Variants in RSU1 observed in about 807,000 individuals in gnomAD.
RSU1 encodes the protein rsu-1.
RSU1 carries 26 observed loss-of-function variants against 31.1 expected under a neutral mutation model. The ratio of observed to expected loss-of-function variants is 0.84; its 90% confidence interval spans 0.61 to 1.16. RSU1 has a LOEUF of 1.16. Among genes scored for constraint, RSU1 ranks in the 50% most tolerant of loss-of-function variants. RSU1 has a pLI of 0.00. For missense variants in RSU1, 320 were observed against 339.1 expected (o/e 0.94, Z 0.44); for synonymous variants, 164 against 136.3 (o/e 1.20, Z -1.41).
At chr10:16,598,829 T>C (rs1240019441) in intron 8 of RSU1, among the ~76,000 whole-genome samples, 1 of 152,202 alleles carries the variant, frequency 6.6e-6, no homozygotes, top group East Asian at 1.9e-4. Context: ...AATAGAGAAC[T>C]AACATAGTAG....
intron 8 of RSU1, among the ~76,000 whole-genome samples, chr10:16,624,085 C>T (rs1339388562): frequency 6.6e-6 from 1 of 152,052 alleles, no homozygotes; most frequent in Non-Finnish European, 1.5e-5. Context: ...GTTCTAGGTA[C>T]AATTTTATGA....
intron 8 of RSU1, among the ~76,000 whole-genome samples, chr10:16,639,217 C>A (rs907793809): frequency 1.3e-5 from 2 of 152,166 alleles, no homozygotes; most frequent in African/African-American, 4.8e-5. Flanking sequence ...CAAAATCACA[C>A]GTGACTCCGG....
intron 8 of RSU1, among the ~76,000 whole-genome samples, chr10:16,688,569 A>G (rs1407409794): frequency 1.3e-5 from 2 of 152,182 alleles, no homozygotes; most frequent in African/African-American, 4.8e-5. Flanking sequence ...AGATCACGCC[A>G]CTGCAGTCCA....
rs992372412 is a variant in RSU1, at chr10:16,614,589, T to G, written c.732-21093A>C. On this transcript the variant is annotated intron_variant, in intron 8 of 8. Transcript: ENST00000345264. ...CAAGATGTGATTATTACACATTGCA[T>G]GCCTGAGCCACAGTATCTCATATTC... Among the ~76,000 whole-genome samples the G allele has an allele frequency of 1.2e-4, 18 of 152,302 alleles. 1 individual carries two copies. The highest frequency in any genetic ancestry group is 1.2e-3 in the Admixed American group (18 of 15,304).
intron 7 of RSU1, among the ~76,000 whole-genome samples, chr10:16,721,158 A>G (rs1836253995): frequency 2.6e-5 from 4 of 152,196 alleles, no homozygotes; most frequent in Admixed American, 2.6e-4. Context: ...GATACTGAAG[A>G]AAGAGCTCAT....
intron 8 of RSU1, among the ~76,000 whole-genome samples, chr10:16,681,197 T>A (rs1324609897): frequency 6.6e-6 from 1 of 152,198 alleles, no homozygotes; most frequent in Non-Finnish European, 1.5e-5. Context: ...AAAAGCACCA[T>A]CTTAAATGAT....
At chr10:16,757,429 CT>C (rs1421599764) in intron 4 of RSU1, among the ~76,000 whole-genome samples, 1 of 152,010 alleles carries the variant, frequency 6.6e-6, no homozygotes, top group Non-Finnish European at 1.5e-5. Flanking sequence ...CGGGTTCCCC[CT>C]GTCAGGCAGA....
chr10:16,593,160 C>T lies in RSU1; in HGVS notation c.*234G>A, dbSNP rs1295665243. 1 of 654,840 alleles carries T rather than the reference C, an allele frequency of 1.5e-6. No homozygotes were observed. Among genetic ancestry groups the T allele is most frequent in the Non-Finnish European group, 2.2e-6 (1 of 444,486 alleles). The allele number at this position is 654,840 out of a possible 1,614,324, so 40.6% of individuals were successfully genotyped here. On this transcript the variant is annotated 3_prime_UTR_variant, in exon 9 of 9. Transcript: ENST00000345264. ...TTCGCAGTTGAATAAGAGCTTTGTT[C>T]CCTGCTTTTGGTAATGTTAAAGAAA...
intron 8 of RSU1, among the ~76,000 whole-genome samples, chr10:16,597,549 G>A (rs773517140): frequency 5.3e-5 from 8 of 152,160 alleles, no homozygotes; most frequent in African/African-American, 1.4e-4. Context: ...TAGAGATGTC[G>A]TTTGTCTTCC....
chr10:16,620,416 T>C lies in RSU1; in HGVS notation c.732-26920A>G, dbSNP rs1388076842. ...TCTTTCATTTACACATGAGATTTCTTTGGGAACTGACATTCAGTGGGGAGA... is the reference window on the plus strand; with the variant it reads ...TCTTTCATTTACACATGAGATTTCTCTGGGAACTGACATTCAGTGGGGAGA... On this transcript the variant is annotated intron_variant, in intron 8 of 8. Coordinates refer to ENST00000345264, the MANE Select transcript of RSU1 (RefSeq NM_012425.4). 3.9e-5 allele frequency among the ~76,000 whole-genome samples: 6 copies of C among 152,022 alleles called. No individual in the cohort carries two copies. In the East Asian group the frequency reaches 1.2e-3, roughly 29 times the overall value.
chr10:16,623,066 G>A (rs574128250), intron 8 of RSU1, among the ~76,000 whole-genome samples: 1 of 152,116 alleles, frequency 6.6e-6, no homozygotes, highest in African/African-American at 2.4e-5. Flanking sequence ...GATTCAGGGG[G>A]TCCATGTAGA....
chr10:16,713,408 C>T (rs1457330199), intron 7 of RSU1, among the ~76,000 whole-genome samples: 1 of 151,636 alleles, frequency 6.6e-6, no homozygotes, highest in Non-Finnish European at 1.5e-5. Context: ...TTTTTTTTTC[C>T]CTCTGACTGG....
At chr10:16,684,671 C>T (rs1171162624) in intron 8 of RSU1, among the ~76,000 whole-genome samples, 2 of 152,116 alleles carry the variant, frequency 1.3e-5, no homozygotes, top group Non-Finnish European at 1.5e-5. Flanking sequence ...CTGGGACTTC[C>T]GGCCTCTAGA....
intron 8 of RSU1, among the ~76,000 whole-genome samples, chr10:16,679,748 A>G (rs940980697): frequency 6.6e-6 from 1 of 151,952 alleles, no homozygotes; most frequent in African/African-American, 2.4e-5. Flanking sequence ...TTGCCAGCTC[A>G]GCTCCCACGT....
At chr10:16,611,428 T>C (rs1048616257) in intron 8 of RSU1, among the ~76,000 whole-genome samples, 2 of 152,210 alleles carry the variant, frequency 1.3e-5, no homozygotes, top group African/African-American at 4.8e-5. Flanking sequence ...GGAATTTTTT[T>C]CCCATAAAAT....
intron 8 of RSU1, among the ~76,000 whole-genome samples, chr10:16,670,010 T>G (rs1835077136): frequency 6.6e-6 from 1 of 152,190 alleles, no homozygotes; most frequent in African/African-American, 2.4e-5. Context: ...CTGTAGTCTC[T>G]CACAAATGGT....
intron 7 of RSU1, among the ~76,000 whole-genome samples, chr10:16,715,859 G>A (rs2131584431): frequency 6.6e-6 from 1 of 152,294 alleles, no homozygotes; most frequent in South Asian, 2.1e-4. Flanking sequence ...GATTTTCATA[G>A]CGAGTGCATT....
At chr10:16,784,671 G>A (rs190266624) in intron 2 of RSU1, among the ~76,000 whole-genome samples, 148 of 152,326 alleles carry the variant, frequency 9.7e-4, no homozygotes, top group African/African-American at 2.8e-3. Flanking sequence ...AAGGCAAAGA[G>A]GAAGCAAAGG....
chr10:16,789,206 GTTTTC>G (rs1440005274), intron 2 of RSU1, among the ~76,000 whole-genome samples: 7 of 152,260 alleles, frequency 4.6e-5, no homozygotes, highest in Non-Finnish European at 1.0e-4. Context: ...TAAAAGTTGT[GTTTTC>G]TTTTCTTTTT....
Sources: gnomAD v4.1 joint callset for allele counts (sites outside exome capture counted in the v4.1 genomes callset) on GRCh38, gnomAD v4.1.1 for gene constraint, MANE v1.5 for transcripts, NCBI Gene and HGNC (gene_info 2026-07-23, HGNC 2026-07-21) for gene names.